The following WWC2 variants were observed in gnomAD, a reference collection of about 807,000 sequenced individuals.
WWC2 encodes protein WWC2.
A neutral mutation model predicts 138.5 loss-of-function variants in WWC2; 101 were observed. That is an observed-to-expected ratio of 0.73 (90% CI 0.62 to 0.86). The LOEUF is 0.86. Among genes scored for constraint, WWC2 ranks in the 40% least tolerant of loss-of-function variants. WWC2 has a pLI of 0.00. For synonymous variants in WWC2, 558 were observed against 538.4 expected (o/e 1.04, Z -0.50); for missense variants, 1,420 against 1,419.4 (o/e 1.00, Z -0.01).
At chr4:183,115,854 T>C (rs1375363480) in intron 1 of WWC2, among the ~76,000 whole-genome samples, 4 of 152,176 alleles carry the variant, frequency 2.6e-5, no homozygotes, top group African/African-American at 9.7e-5. Context: ...TTAGGTCCCA[T>C]TTGTTGGTTT....
rs767635326 is a variant in WWC2 at position 183,249,948 on chromosome 4, C to T, written c.908C>T (p.Ala303Val). ...GGAGTAAGAAGTAGATCAAATTTAG[C>T]TGAAAAGGTCAGGCTAAGCCTACAG... ...DIGVRSRSNL[A>V]EKVRLSLQYE... Residue 303 changes from alanine (A) to valine (V), a missense_variant, in exon 8 of 23, where the codon GCT (alanine) becomes GTT (valine). Ala to Val is a moderately conservative substitution (Grantham distance 64). Transcript: ENST00000403733. 1.2e-6 allele frequency: 2 copies of T among 1,613,680 alleles called. No individual in the cohort carries two copies. The highest frequency in any genetic ancestry group is 2.2e-5 in the South Asian group (2 of 90,994).
chr4:183,249,848 C>T (rs1736916013), intron 7 of WWC2, 72 bp from the exon 8 acceptor site: 3 of 1,304,128 alleles, frequency 2.3e-6, no homozygotes, highest in Non-Finnish European at 3.2e-6. Context: ...ACATACTTCC[C>T]AGAAACAAAA....
chr4:183,206,755 C>A (rs1735458689), intron 2 of WWC2, among the ~76,000 whole-genome samples: 1 of 152,210 alleles, frequency 6.6e-6, no homozygotes, highest in African/African-American at 2.4e-5. Context: ...CCAGCCTGCA[C>A]TAACCATCAC....
chr4:183,216,581 T>G (rs552519385), intron 4 of WWC2, among the ~76,000 whole-genome samples: 2 of 152,326 alleles, frequency 1.3e-5, no homozygotes, highest in South Asian at 4.1e-4. Context: ...ACAGCTGTTT[T>G]CAGACTTCAG....
chr4:183,199,301 C>T (rs1236683706), intron 2 of WWC2, among the ~76,000 whole-genome samples: 1 of 151,936 alleles, frequency 6.6e-6, no homozygotes, highest in Non-Finnish European at 1.5e-5. Context: ...CTTTCAAAGC[C>T]CTCTTTAATT....
At chr4:183,294,956 A>G (rs1392604810) in intron 21 of WWC2, among the ~76,000 whole-genome samples, 1 of 152,208 alleles carries the variant, frequency 6.6e-6, no homozygotes, top group Non-Finnish European at 1.5e-5. Context: ...ATCAAGGCAG[A>G]CACATTGCTC....
chr4:183,262,728 A>C (rs1737368884), intron 11 of WWC2, among the ~76,000 whole-genome samples: 1 of 152,172 alleles, frequency 6.6e-6, no homozygotes, highest in African/African-American at 2.4e-5. Flanking sequence ...CAAAACAGAA[A>C]GCCGCGTGGG....
At chr4:183,249,799 TC>T (rs1213871874) in intron 7 of WWC2, 120 bp from the exon 8 acceptor site, 2 of 716,674 alleles carry the variant, frequency 2.8e-6, no homozygotes, top group East Asian at 2.8e-5. Context: ...AATTGGTGTT[TC>T]CCGATTTCAG....
At position 183,263,870 on chromosome 4, in the gene WWC2, C is replaced by G. The variant is rs184582562; in HGVS notation, c.1910-1108C>G. On this transcript the variant is annotated intron_variant, in intron 11 of 22. Transcript: ENST00000403733. ...TATCAGGGACGTTTGTCATCTCCCT[C>G]AGTGCTCTAGAGGCTTAGGCAGGTA... Among the ~76,000 whole-genome samples, 13 of 152,326 alleles carry G rather than the reference C, an allele frequency of 8.5e-5. No individual in the cohort carries two copies. In the East Asian group the frequency reaches 2.5e-3, roughly 29 times the overall value.
intron 1 of WWC2, 89 bp from the exon 2 acceptor site, chr4:183,193,510 A>T: frequency 9.0e-7 from 1 of 1,115,104 alleles, no homozygotes; most frequent in East Asian, 2.5e-5. Context: ...TTTAAATGCA[A>T]CCTAGACACT....
At chr4:183,222,283 T>C (rs1735955804) in intron 4 of WWC2, among the ~76,000 whole-genome samples, 1 of 151,556 alleles carries the variant, frequency 6.6e-6, no homozygotes, top group Non-Finnish European at 1.5e-5. Flanking sequence ...CCATTTTCTA[T>C]GTGGGAGGAA....
At chr4:183,213,807 A>G (rs1368330147) in intron 4 of WWC2, among the ~76,000 whole-genome samples, 1 of 152,208 alleles carries the variant, frequency 6.6e-6, no homozygotes, top group Non-Finnish European at 1.5e-5. Flanking sequence ...AAGGAAGAAG[A>G]ATATAAACGT....
Position 183,253,943 on chromosome 4 carries a change from G to A in WWC2, c.1140G>A (p.Arg380=), listed in dbSNP as rs745872668. ...AACGCCTAGAAGCTGAAAGGCAGCG[G>A]CTGGAAGAAGAGTTGCTGTCTGTGA... ...ELERLEAERQ[R]LEEELLSVRG... is the part of the protein sequence containing the mutation. The change falls in exon 9 of 23, where the codon CGG becomes CGA. Residue 380 remains arginine, a synonymous_variant. Coordinates refer to ENST00000403733, the MANE Select transcript of WWC2 (RefSeq NM_024949.6). The A allele has an allele frequency of 1.2e-6, 2 of 1,613,880 alleles. No homozygotes were observed. The highest frequency in any genetic ancestry group is 2.7e-5 in the African/African-American group (2 of 75,046).
intron 8 of WWC2, among the ~76,000 whole-genome samples, chr4:183,251,183 C>T (rs938759936): frequency 6.6e-6 from 1 of 152,184 alleles, no homozygotes; most frequent in African/African-American, 2.4e-5. Context: ...TTATTATCTC[C>T]TTCTCAGTGC....
chr4:183,288,876 C>T (rs1738339752), intron 20 of WWC2, among the ~76,000 whole-genome samples: 1 of 152,126 alleles, frequency 6.6e-6, no homozygotes, highest in East Asian at 1.9e-4. Context: ...CTGTCATGGA[C>T]ATGGTAGGAG....
Position 183,239,095 on chromosome 4 carries a change from G to A in WWC2, c.523-1088G>A, listed in dbSNP as rs1373235601. ...TTTGGGAGGCCGAAGCGGGTGGATC[G>A]CTTGAGCCCTGGAGTTCGAGACCAG... On this transcript the variant is annotated intron_variant, in intron 4 of 22. Coordinates refer to ENST00000403733, the MANE Select transcript of WWC2 (RefSeq NM_024949.6). Among the ~76,000 whole-genome samples the A allele has an allele frequency of 4.6e-5, 7 of 152,104 alleles. No individual in the cohort carries two copies. The East Asian group carries it at 7.7e-4, about 17-fold the overall frequency.
intron 1 of WWC2, among the ~76,000 whole-genome samples, chr4:183,157,080 T>C (rs1733827430): frequency 6.6e-6 from 1 of 152,242 alleles, no homozygotes; most frequent in South Asian, 2.1e-4. Flanking sequence ...TCCCCTACTG[T>C]CCTTTATAGG....
At chr4:183,314,903 G>A (rs1206676075) in intron 22 of WWC2, among the ~76,000 whole-genome samples, 1 of 152,092 alleles carries the variant, frequency 6.6e-6, no homozygotes, top group East Asian at 1.9e-4. Flanking sequence ...CCCCACCTCA[G>A]CTCTGGTTTC....
intron 21 of WWC2, among the ~76,000 whole-genome samples, chr4:183,297,049 A>T (rs1738655733): frequency 6.6e-6 from 1 of 150,576 alleles, no homozygotes; most frequent in African/African-American, 2.5e-5. Context: ...ACCACAGCCC[A>T]CTACAGCCTC....
Sources: allele counts gnomAD v4.1 joint callset (sites outside exome capture counted in the v4.1 genomes callset), GRCh38; gene constraint gnomAD v4.1.1; transcripts MANE v1.5; gene names NCBI Gene and HGNC (gene_info 2026-07-23, HGNC 2026-07-21).